CFAP298: variants seen among roughly 807,000 people sequenced by gnomAD.
CFAP298 encodes the protein cilia- and flagella-associated protein 298.
Under a neutral mutation model 41.0 loss-of-function variants are expected in CFAP298, and 38 were observed. The observed-to-expected ratio is 0.93, with a 90% CI of 0.72 to 1.22. The LOEUF (loss-of-function observed/expected upper bound fraction) is 1.22. Among genes scored for constraint, CFAP298 ranks in the 50% most tolerant of loss-of-function variants. The probability of loss-of-function intolerance (pLI) is 0.00; values close to 1 mark genes in which losing one functional copy is unlikely to be tolerated. For synonymous variants in CFAP298, 137 were observed against 135.3 expected, an observed-to-expected ratio of 1.01 and a Z score of -0.09; for missense variants, 348 against 360.3, an observed-to-expected ratio of 0.97 and a Z score of 0.28.
In CFAP298 at chr21:32,602,330, CTAA is replaced by C. The variant is rs1568990958; in HGVS notation, c.701_703del (p.Ile234del). 1 of 1,613,970 alleles carries C rather than the reference CTAA, an allele frequency of 6.2e-7. No individual in the cohort carries two copies. Among genetic ancestry groups the C allele is most frequent in the Admixed American group, 1.7e-5 (1 of 60,030 alleles). On this transcript the variant is annotated inframe_deletion, in exon 6 of 7. Transcript: ENST00000290155. ...CATCAGCTGCTTCTGCTCCTCACTG[CTAA>C]TAATAGGCTCTCGGGCTGGAGCTCC...
chr21:32,612,221 C>A lies in CFAP298; in HGVS notation c.23G>T (p.Arg8Leu). 6.2e-7 allele frequency: 1 copy of A among 1,607,382 alleles called. No homozygotes were observed. Among genetic ancestry groups the A allele is most frequent in the Non-Finnish European group, 8.5e-7 (1 of 1,176,748 alleles). MVLLHVKRGDESQFLLQA... is the reference protein window; with the variant it reads MVLLHVKLGDESQFLLQA... ...CAGCAGGAACTGGCTCTCGTCGCCC[C>A]GCTTCACGTGCAGCAGAACCATGGC... The change falls in exon 1 of 7, where the codon CGG becomes CTG. Residue 8 changes from arginine to leucine, a missense_variant. Transcript: ENST00000290155.
intron 1 of CFAP298, among the ~76,000 whole-genome samples, chr21:32,611,262 C>CCACT (rs1383875615): frequency 2.7e-5 from 4 of 146,848 alleles, no homozygotes; most frequent in Non-Finnish European, 5.9e-5. Context: ...AGAGATCGCG[C>CCACT]CACTGCACTC....
chr21:32,607,117 T>A (rs1326005428), intron 3 of CFAP298, among the ~76,000 whole-genome samples: 1 of 152,180 alleles, frequency 6.6e-6, no homozygotes, highest in Non-Finnish European at 1.5e-5. Context: ...TATATTTACA[T>A]AAGCCAACAA....
chr21:32,608,581 C>T (rs1454925102), intron 2 of CFAP298, among the ~76,000 whole-genome samples: 3 of 143,518 alleles, frequency 2.1e-5, no homozygotes, highest in Non-Finnish European at 3.0e-5. Context: ...CACTGGAATC[C>T]GGGAGGCAGA....
rs368759100 is a variant in CFAP298, at chr21:32,607,172, G to A, written c.375+477C>T. Among the ~76,000 whole-genome samples the A allele has an allele frequency of 2.6e-3, 403 of 152,276 alleles. 1 individual carries two copies. Among genetic ancestry groups the A allele is most frequent in the African/African-American group, 9.0e-3 (374 of 41,546 alleles). ...GGAACGGAGAGGCCTCTGGGCAACC[G>A]TCAGGATTATGAAAGGAAAAGCTAC... is the stretch of plus-strand genomic sequence containing the variant. On this transcript the variant is annotated intron_variant, in intron 3 of 6. Transcript: ENST00000290155.
In CFAP298 at chr21:32,600,510, G is replaced by A. The variant is rs2038717534; in HGVS notation, c.*1353C>T. Among the ~76,000 whole-genome samples, 1 of 152,202 alleles carries A rather than the reference G, an allele frequency of 6.6e-6. No individual in the cohort carries two copies. On this transcript the variant is annotated 3_prime_UTR_variant, in exon 7 of 7. Transcript: ENST00000290155. Reference sequence around the variant, plus strand: ...CGCGTCCTTCACTTTCCCTCAGTGTGAGCACACCAAGTTCCCTCTAACCAG... The same window carrying A: ...CGCGTCCTTCACTTTCCCTCAGTGTAAGCACACCAAGTTCCCTCTAACCAG...
intron 1 of CFAP298, 75 bp from the exon 2 acceptor site, chr21:32,610,080 A>C: frequency 7.4e-7 from 1 of 1,354,428 alleles, no homozygotes; most frequent in Non-Finnish European, 1.0e-6. Flanking sequence ...CCAAAGAGTC[A>C]GGGGTCTTGC....
At chr21:32,607,377 T>C (rs945359351) in intron 3 of CFAP298, among the ~76,000 whole-genome samples, 1 of 152,068 alleles carries the variant, frequency 6.6e-6, no homozygotes, top group Non-Finnish European at 1.5e-5. Context: ...GCGGATCACC[T>C]GAGGTCAGGA....
At chr21:32,609,797 C>A in intron 2 of CFAP298, 41 bp downstream of exon 2, 1 of 1,556,442 alleles carries the variant, frequency 6.4e-7, no homozygotes. Flanking sequence ...CATACTTATG[C>A]CTGTATCAAG....
chr21:32,604,302 C>T lies in CFAP298; in HGVS notation c.376-19G>A, dbSNP rs1346439264. The T allele has an allele frequency of 4.3e-6, 7 of 1,613,836 alleles. No individual in the cohort carries two copies. The highest frequency in any genetic ancestry group is 4.5e-5 in the East Asian group (2 of 44,852). ...CTTGTTTCTGCAAGCAGAAAGCCATCGTTATCTACAGTGTGGCTAATCACT... is the reference window on the plus strand; with the variant it reads ...CTTGTTTCTGCAAGCAGAAAGCCATTGTTATCTACAGTGTGGCTAATCACT... On this transcript the variant is annotated intron_variant, in intron 3 of 6. Transcript: ENST00000290155.
Position 32,603,164 on chromosome 21 carries a change from C to A in CFAP298, c.663G>T (p.Gln221His). The change falls in exon 5 of 7, where the codon CAG (glutamine) becomes CAT (histidine). Residue 221 changes from glutamine (Q) to histidine (H), a missense_variant. By Grantham distance (24) the Gln-to-His change is conservative. Transcript: ENST00000290155. ...NEKTKIIAKI[Q>H]QRGQGAPARE... ...CATTAAAGCAAAAAGTACTTACTTG[C>A]TGAATCTTGGCGATAATTTTGGTTT... is the stretch of plus-strand genomic sequence containing the variant. The A allele has an allele frequency of 6.2e-7, 1 of 1,614,200 alleles. No individual in the cohort carries two copies.
Position 32,602,293 on chromosome 21 carries a change from G to C in CFAP298, c.741C>G (p.His247Gln). ...EEQKQLMLYY[H>Q]RRQEELKRLE... ...CTACCTTGAGCTCCTCTTGTCTTCT[G>C]TGATAGTACAGCATCAGCTGCTTCT... The change falls in exon 6 of 7, where the codon CAC becomes CAG. Residue 247 changes from histidine (H) to glutamine (Q), a missense_variant. By Grantham distance (24) the His-to-Gln change is conservative. Coordinates refer to ENST00000290155, the MANE Select transcript of CFAP298 (RefSeq NM_021254.4). The C allele has an allele frequency of 1.2e-6, 2 of 1,614,054 alleles. No homozygotes were observed. Among genetic ancestry groups the C allele is most frequent in the Non-Finnish European group, 1.7e-6 (2 of 1,180,032 alleles).
At chr21:32,603,364 C>A in intron 4 of CFAP298, 72 bp from the exon 5 acceptor site, 1 of 1,536,842 alleles carries the variant, frequency 6.5e-7, no homozygotes, top group Non-Finnish European at 8.9e-7. Flanking sequence ...GAGCCCCTCC[C>A]AGCAGGGGGC....
intron 4 of CFAP298, 43 bp downstream of exon 4, chr21:32,604,082 C>T (rs983066316): frequency 6.3e-7 from 1 of 1,590,104 alleles, no homozygotes; most frequent in East Asian, 2.2e-5. Flanking sequence ...GCTTTGGGGG[C>T]CAGGAACTCA....
At position 32,604,300 on chromosome 21, in the gene CFAP298, A is replaced by T; in HGVS notation, c.376-17T>A. The stretch of plus-strand genomic sequence containing the variant: ...CACTTGTTTCTGCAAGCAGAAAGCC[A>T]TCGTTATCTACAGTGTGGCTAATCA... On this transcript the variant is annotated splice_polypyrimidine_tract_variant and intron_variant, in intron 3 of 6. Coordinates refer to ENST00000290155, the MANE Select transcript of CFAP298 (RefSeq NM_021254.4). 3 of 1,613,968 alleles carry T rather than the reference A, an allele frequency of 1.9e-6. No homozygotes were observed. The highest frequency in any genetic ancestry group is 2.5e-6 in the Non-Finnish European group (3 of 1,179,906).
rs781543468 is a variant in CFAP298 at position 32,601,881 on chromosome 21, T to C, written c.855A>G (p.Ile285Met). The C allele has an allele frequency of 6.2e-7, 1 of 1,608,124 alleles. No individual in the cohort carries two copies. Among genetic ancestry groups the C allele is most frequent in the South Asian group, 1.1e-5 (1 of 90,946 alleles). ...GTGAACTTCATCTTGGTCTCCACTT[T>C]ATGTCTTTCACTCCATGAAAATGTC... ...LKRHFHGVKD[I>M]KWRPR The change falls in exon 7 of 7, where the codon ATA becomes ATG. Residue 285 changes from isoleucine to methionine, a missense_variant. Coordinates refer to ENST00000290155, the MANE Select transcript of CFAP298 (RefSeq NM_021254.4).
chr21:32,608,135 A>G (rs2038908014), intron 2 of CFAP298, among the ~76,000 whole-genome samples: 1 of 151,880 alleles, frequency 6.6e-6, no homozygotes, highest in South Asian at 2.1e-4. Context: ...AATTTTATTT[A>G]CAATAGGCAG....
rs190068483 is a variant in CFAP298 at position 32,603,554 on chromosome 21, G to A, written c.535-262C>T. On this transcript the variant is annotated intron_variant, in intron 4 of 6. Transcript: ENST00000290155. ...ATTTGCACCTTGATCCATATAGTTCGTCTTAGACAGATCTGTAGGCCACTG... is the reference window on the plus strand; with the variant it reads ...ATTTGCACCTTGATCCATATAGTTCATCTTAGACAGATCTGTAGGCCACTG... Among the ~76,000 whole-genome samples the A allele has an allele frequency of 6.6e-5, 10 of 152,306 alleles. No individual in the cohort carries two copies. The East Asian group carries it at 1.9e-3, about 29-fold the overall frequency.
intron 1 of CFAP298, among the ~76,000 whole-genome samples, chr21:32,611,547 C>T (rs1053705209): frequency 1.3e-5 from 2 of 151,820 alleles, no homozygotes; most frequent in African/African-American, 4.8e-5. Context: ...GGGGGCCCTT[C>T]CACCGCCGGA....
Sources: allele counts gnomAD v4.1 joint callset (sites outside exome capture counted in the v4.1 genomes callset), GRCh38; gene constraint gnomAD v4.1.1; transcripts MANE v1.5; gene names NCBI Gene and HGNC (gene_info 2026-07-23, HGNC 2026-07-21).